CREBBP: variants seen among roughly 807,000 people sequenced by gnomAD.
The protein encoded by CREBBP is CREB-binding protein.
Under a neutral mutation model 265.0 loss-of-function variants are expected in CREBBP, and 19 were observed. The observed-to-expected ratio is 0.07, with a 90% CI of 0.05 to 0.11. CREBBP has a LOEUF of 0.11. Among genes scored for constraint, CREBBP ranks in the 10% least tolerant of loss-of-function variants. CREBBP has a pLI of 1.00. For missense variants in CREBBP, 2,525 were observed against 3,219.0 expected, an observed-to-expected ratio of 0.78 and a Z score of 5.22; for synonymous variants, 1,457 against 1,223.7, an observed-to-expected ratio of 1.19 and a Z score of -3.98.
At chr16:3,814,006 A>G (rs1334877904) in intron 2 of CREBBP, among the ~76,000 whole-genome samples, 2 of 152,188 alleles carry the variant, frequency 1.3e-5, no homozygotes, top group African/African-American at 4.8e-5. Context: ...GTGGACCTCA[A>G]AGTTCACCTG....
chr16:3,807,892 A>C (rs2053861254), intron 3 of CREBBP, among the ~76,000 whole-genome samples: 1 of 152,174 alleles, frequency 6.6e-6, no homozygotes, highest in South Asian at 2.1e-4. Context: ...ACAAAGGCAC[A>C]CGTGGGCACA....
At chr16:3,852,323 C>T (rs1024792443) in intron 1 of CREBBP, among the ~76,000 whole-genome samples, 4 of 151,166 alleles carry the variant, frequency 2.6e-5, no homozygotes, top group Non-Finnish European at 5.9e-5. Flanking sequence ...CGCCCACCAC[C>T]ATGCCCGGCT....
Position 3,800,466 on chromosome 16 carries a change from G to A in CREBBP, c.976-6840C>T, listed in dbSNP as rs189129513. Reference sequence around the variant, plus strand: ...ACAGATCCTCTCATTTTTCCCCTAAGAGACGAGCCTGCTTTGTTTTTTTAA... The same window carrying A: ...ACAGATCCTCTCATTTTTCCCCTAAAAGACGAGCCTGCTTTGTTTTTTTAA... On this transcript the variant is annotated intron_variant, in intron 3 of 30. Transcript: ENST00000262367. Among the ~76,000 whole-genome samples the A allele has an allele frequency of 1.0e-3, 152 of 152,094 alleles. 1 individual carries two copies. Among genetic ancestry groups the A allele is most frequent in the African/African-American group, 3.5e-3 (145 of 41,438 alleles).
chr16:3,816,742 T>C (rs187506304), intron 2 of CREBBP, among the ~76,000 whole-genome samples: 4 of 152,286 alleles, frequency 2.6e-5, no homozygotes, highest in Non-Finnish European at 1.5e-5. Context: ...CCTGAACCTG[T>C]TTTGGTCACA....
chr16:3,758,949 G>C lies in CREBBP; in HGVS notation c.3274C>G (p.Gln1092Glu). ...GCTTCTAGGGTTGGCATGAGGGCCT[G>C]GCGTAACTCCTCTGGTTTAAAGACT... is the stretch of plus-strand genomic sequence containing the variant. ...KKIFKPEELR[Q>E]ALMPTLEALY... The change falls in exon 17 of 31, where the codon CAG (glutamine) becomes GAG (glutamate). Residue 1092 changes from glutamine to glutamate, a missense_variant. By Grantham distance (29) the Gln-to-Glu change is conservative. Coordinates refer to ENST00000262367, the MANE Select transcript of CREBBP (RefSeq NM_004380.3). The C allele has an allele frequency of 1.9e-6, 3 of 1,613,002 alleles. No homozygotes were observed. The highest frequency in any genetic ancestry group is 2.5e-6 in the Non-Finnish European group (3 of 1,179,870).
chr16:3,837,704 C>G lies in CREBBP; in HGVS notation c.798+12593G>C, dbSNP rs575631964. 6.8e-4 allele frequency among the ~76,000 whole-genome samples: 103 copies of G among 151,160 alleles called. 2 individuals carry two copies. Among genetic ancestry groups the G allele is most frequent in the African/African-American group, 2.3e-3 (97 of 41,320 alleles). Reference sequence around the variant, plus strand: ...GAATAAGTACAAATACGTTTGTACACCTGTACAATGTGTTTAGTGTTTTAA... The same window carrying G: ...GAATAAGTACAAATACGTTTGTACAGCTGTACAATGTGTTTAGTGTTTTAA... On this transcript the variant is annotated intron_variant, in intron 2 of 30. Coordinates refer to ENST00000262367, the MANE Select transcript of CREBBP (RefSeq NM_004380.3).
intron 13 of CREBBP, 65 bp downstream of exon 13, chr16:3,773,686 A>G: frequency 6.4e-7 from 1 of 1,567,374 alleles, no homozygotes; most frequent in Non-Finnish European, 8.7e-7. Flanking sequence ...ACAGAAAAAA[A>G]AAACCAAAAC....
intron 2 of CREBBP, among the ~76,000 whole-genome samples, chr16:3,824,976 T>C (rs1323437909): frequency 9.9e-5 from 15 of 152,208 alleles, no homozygotes; most frequent in Non-Finnish European, 1.5e-5. Flanking sequence ...CATGGGAAAA[T>C]GCTCTGAAAA....
intron 2 of CREBBP, among the ~76,000 whole-genome samples, chr16:3,821,707 A>C (rs1226568629): frequency 3.9e-5 from 6 of 152,200 alleles, no homozygotes; most frequent in Admixed American, 6.5e-5. Flanking sequence ...AAAGGTGATA[A>C]AAAATGTGAG....
intron 1 of CREBBP, among the ~76,000 whole-genome samples, chr16:3,876,207 T>A (rs1441079642): frequency 1.3e-5 from 2 of 151,438 alleles, no homozygotes; most frequent in African/African-American, 4.9e-5. Flanking sequence ...CCCAACTAAT[T>A]AAAAAAATTT....
intron 16 of CREBBP, among the ~76,000 whole-genome samples, chr16:3,765,429 C>T (rs746067846): frequency 2.6e-5 from 4 of 152,186 alleles, no homozygotes; most frequent in Non-Finnish European, 4.4e-5. Flanking sequence ...TGCTTGCCCT[C>T]GTGGAGCACA....
intron 1 of CREBBP, among the ~76,000 whole-genome samples, chr16:3,871,504 C>T (rs1054129383): frequency 2.6e-5 from 4 of 152,228 alleles, no homozygotes; most frequent in African/African-American, 7.2e-5. Flanking sequence ...TCTAAGCAAA[C>T]CCTAATTACC....
chr16:3,874,638 TAAA>T (rs1240837350), intron 1 of CREBBP, among the ~76,000 whole-genome samples: 6 of 152,130 alleles, frequency 3.9e-5, no homozygotes, highest in African/African-American at 1.4e-4. Context: ...CATAATAGGC[TAAA>T]AAGAGTTCTA....
chr16:3,800,674 T>C (rs1373144469), intron 3 of CREBBP, among the ~76,000 whole-genome samples: 19 of 151,990 alleles, frequency 1.3e-4, no homozygotes, highest in Admixed American at 2.0e-4. Context: ...TGCTTGTGAA[T>C]TGCCACTGTA....
intron 27 of CREBBP, 174 bp downstream of exon 27, chr16:3,736,476 C>A: frequency 1.0e-6 from 1 of 986,820 alleles, no homozygotes; most frequent in South Asian, 1.4e-5. Flanking sequence ...CAGGGGAAAG[C>A]CTCAATCAGC....
chr16:3,756,939 T>G (rs1042117292), intron 19 of CREBBP, among the ~76,000 whole-genome samples: 2 of 152,110 alleles, frequency 1.3e-5, no homozygotes, highest in African/African-American at 4.8e-5. Context: ...GGCTCTGAGG[T>G]TACAGTTTTT....
chr16:3,740,987 C>T (rs892889798), intron 23 of CREBBP: 3 of 310,234 alleles, frequency 9.7e-6, no homozygotes, highest in Non-Finnish European at 1.3e-5. Context: ...GAACGTGGAA[C>T]GTTCTAGGGC....
intron 2 of CREBBP, among the ~76,000 whole-genome samples, chr16:3,834,891 G>T (rs2054412830): frequency 6.6e-6 from 1 of 152,272 alleles, no homozygotes; most frequent in East Asian, 1.9e-4. Flanking sequence ...AGGCGCAGTG[G>T]CTCACGCCTG....
chr16:3,767,528 C>T (rs2052883848), intron 16 of CREBBP, 192 bp downstream of exon 16: 5 of 708,248 alleles, frequency 7.1e-6, no homozygotes, highest in African/African-American at 1.8e-5. Context: ...CTGCCATGAG[C>T]CCCACAGGCA....
Sources: allele counts gnomAD v4.1 joint callset (sites outside exome capture counted in the v4.1 genomes callset), GRCh38; gene constraint gnomAD v4.1.1; transcripts MANE v1.5; gene names NCBI Gene and HGNC (gene_info 2026-07-23, HGNC 2026-07-21).